KLRG1: variants seen among roughly 807,000 people sequenced by gnomAD.
The protein encoded by KLRG1 is killer cell lectin like receptor G1.
A neutral mutation model predicts 21.8 loss-of-function variants in KLRG1; 16 were observed. That is an observed-to-expected ratio of 0.73 (90% confidence interval 0.50 to 1.11). The LOEUF (loss-of-function observed/expected upper bound fraction) is 1.11, where lower values mean the gene tolerates loss of function less well. KLRG1 is among the 50% of genes most tolerant of loss of function. KLRG1 has a pLI of 0.00. For synonymous variants in KLRG1, 69 were observed against 75.9 expected, an observed-to-expected ratio of 0.91 and a Z score of 0.47; for missense variants, 173 against 218.3, an observed-to-expected ratio of 0.79 and a Z score of 1.31.
chr12:9,068,011 G>T, the KLRG1 span: 1 of 957,890 alleles, frequency 1.0e-6, no homozygotes, highest in Non-Finnish European at 1.6e-6. Context: ...ACTCTCTGAG[G>T]TTTGACAGAG....
the KLRG1 span, among the ~76,000 whole-genome samples, chr12:9,179,268 A>G: frequency 1.4e-4 from 22 of 152,248 alleles, no homozygotes; most frequent in Non-Finnish European, 1.5e-5. Context: ...TTATTAACCA[A>G]TGTTCACCTT....
the KLRG1 span, among the ~76,000 whole-genome samples, chr12:9,062,079 A>G: frequency 6.6e-6 from 1 of 150,430 alleles, no homozygotes; most frequent in Non-Finnish European, 1.5e-5. Context: ...TATATCTGAT[A>G]TATTTATATA....
At chr12:9,060,222 T>C in the KLRG1 span, among the ~76,000 whole-genome samples, 8 of 134,132 alleles carry the variant, frequency 6.0e-5, no homozygotes, top group East Asian at 4.6e-4. Context: ...CGGGGCTTCA[T>C]TGTGTTAGCC....
At chr12:8,987,690 C>G (rs1479193271), upstream of KLRG1, among the ~76,000 whole-genome samples, 3 of 152,116 alleles carry the variant, frequency 2.0e-5, no homozygotes, top group African/African-American at 7.2e-5. Context: ...TTTCAGTAAC[C>G]ATTCTTCTTT....
chr12:9,079,228 A>T, the KLRG1 span: 1 of 1,608,356 alleles, frequency 6.2e-7, no homozygotes, highest in Admixed American at 1.7e-5. Flanking sequence ...AGCTCAAAAA[A>T]TTGTTCTTTC....
At chr12:9,135,518 GAATA>G in the KLRG1 span, 1 of 358,002 alleles carries the variant, frequency 2.8e-6, no homozygotes. Flanking sequence ...GTAGACAGCT[GAATA>G]AACTGTAAGG....
the KLRG1 span, among the ~76,000 whole-genome samples, chr12:9,152,043 A>G: frequency 1.3e-5 from 2 of 152,324 alleles, no homozygotes; most frequent in East Asian, 1.9e-4. Flanking sequence ...TTTCTCTGGT[A>G]TCACATATGT....
At chr12:8,995,512 A>G (rs1168687394) in intron 3 of KLRG1, among the ~76,000 whole-genome samples, 2 of 151,794 alleles carry the variant, frequency 1.3e-5, no homozygotes, top group Non-Finnish European at 2.9e-5. Flanking sequence ...GTCTGACCCA[A>G]CAAACCTCAG....
At chr12:9,039,839 A>C in the KLRG1 span, among the ~76,000 whole-genome samples, 1 of 152,252 alleles carries the variant, frequency 6.6e-6, no homozygotes, top group African/African-American at 2.4e-5. Flanking sequence ...GTGGCCATTC[A>C]ATTATTCCCT....
the KLRG1 span, chr12:9,067,588 A>C: frequency 3.4e-6 from 2 of 592,444 alleles, no homozygotes; most frequent in Non-Finnish European, 6.2e-6. Context: ...TCACTGTATC[A>C]TTTTTTTGTA....
chr12:9,028,154 T>C, the KLRG1 span: 827 of 657,826 alleles, frequency 1.3e-3, no homozygotes, highest in East Asian at 2.0e-3. Flanking sequence ...TTCTTCTTTT[T>C]TTTTTTTTTT....
the KLRG1 span, among the ~76,000 whole-genome samples, chr12:9,113,174 G>A: frequency 6.8e-6 from 1 of 148,080 alleles, no homozygotes; most frequent in Non-Finnish European, 1.5e-5. Flanking sequence ...TAGTTTGCCT[G>A]TAAATATTTG....
chr12:9,201,194 A>G, the KLRG1 span: 1 of 1,354,952 alleles, frequency 7.4e-7, no homozygotes, highest in Non-Finnish European at 1.0e-6. Context: ...AATACAATCA[A>G]CCTGACAACT....
the KLRG1 span, among the ~76,000 whole-genome samples, chr12:9,124,593 C>G: frequency 6.6e-6 from 1 of 152,250 alleles, no homozygotes; most frequent in Non-Finnish European, 1.5e-5. Flanking sequence ...GGGAGATTCC[C>G]TGGTGCAGCT....
At chr12:9,189,119 A>G in the KLRG1 span, among the ~76,000 whole-genome samples, 2 of 152,206 alleles carry the variant, frequency 1.3e-5, no homozygotes, top group Non-Finnish European at 1.5e-5. Flanking sequence ...ACTACCAACG[A>G]CATCCTTCAC....
chr12:9,112,066 T>C, the KLRG1 span: 3 of 1,181,896 alleles, frequency 2.5e-6, no homozygotes, highest in Non-Finnish European at 3.8e-6. Context: ...TGATACCAGA[T>C]TCTTCCTCTC....
chr12:9,025,532 G>T, the KLRG1 span, among the ~76,000 whole-genome samples: 1 of 152,176 alleles, frequency 6.6e-6, no homozygotes, highest in African/African-American at 2.4e-5. Flanking sequence ...AGCTACTCAG[G>T]AGAGTGAGGC....
the KLRG1 span, among the ~76,000 whole-genome samples, chr12:9,185,635 G>T: frequency 6.8e-6 from 1 of 146,394 alleles, no homozygotes; most frequent in African/African-American, 2.5e-5. Context: ...ACAATCATCA[G>T]ATTCACCAAG....
the KLRG1 span, chr12:9,077,240 A>T: frequency 9.0e-7 from 1 of 1,116,824 alleles, no homozygotes; most frequent in African/African-American, 1.6e-5. Flanking sequence ...TTGCATAGAA[A>T]GAAAGCTGAT....
Sources: gnomAD v4.1 joint callset for allele counts (sites outside exome capture counted in the v4.1 genomes callset) on GRCh38, gnomAD v4.1.1 for gene constraint, MANE v1.5 for transcripts, NCBI Gene and HGNC (gene_info 2026-07-23, HGNC 2026-07-21) for gene names.